Variants in CHODL observed in about 807,000 individuals in gnomAD.
CHODL encodes transmembrane protein MT75.
Under a neutral mutation model 34.5 loss-of-function variants are expected in CHODL, and 29 were observed. The observed-to-expected ratio is 0.84, with a 90% CI of 0.63 to 1.15. CHODL has a LOEUF of 1.15. Among genes scored for constraint, CHODL ranks in the 50% most tolerant of loss-of-function variants. The probability of loss-of-function intolerance (pLI) is 0.00; values close to 1 mark genes in which losing one functional copy is unlikely to be tolerated. For synonymous variants in CHODL, 125 were observed against 116.1 expected (o/e 1.08, Z -0.49); for missense variants, 332 against 332.5 (o/e 1.00, Z 0.01).
intron 2 of CHODL, among the ~76,000 whole-genome samples, chr21:18,069,062 A>G (rs1357908498): frequency 1.3e-5 from 2 of 152,194 alleles, no homozygotes; most frequent in Admixed American, 1.3e-4. Flanking sequence ...AGGTTAGAGT[A>G]AGCAAATTTT....
intron 2 of CHODL, among the ~76,000 whole-genome samples, chr21:18,238,260 A>C (rs554514652): frequency 2.0e-5 from 3 of 152,106 alleles, no homozygotes; most frequent in Non-Finnish European, 4.4e-5. Flanking sequence ...TGCTGCTGAT[A>C]AAGACATACC....
At chr21:18,018,553 CG>C (rs1385549334) in intron 1 of CHODL, among the ~76,000 whole-genome samples, 11 of 152,138 alleles carry the variant, frequency 7.2e-5, no homozygotes, top group Non-Finnish European at 1.6e-4. Flanking sequence ...TGTCTTCTGC[CG>C]TGAGTAAAAG....
intron 1 of CHODL, among the ~76,000 whole-genome samples, chr21:18,253,210 G>A (rs969771648): frequency 2.0e-5 from 3 of 152,026 alleles, no homozygotes; most frequent in African/African-American, 7.2e-5. Flanking sequence ...ATAATGAACA[G>A]TGACTTTTAG....
At chr21:18,189,629 A>ATT (rs35604998) in intron 2 of CHODL, among the ~76,000 whole-genome samples, 23 of 94,592 alleles carry the variant, frequency 2.4e-4, no homozygotes, top group Middle Eastern at 4.9e-3. Context: ...GAAGTGGGCA[A>ATT]TTTTTTTTTT....
At chr21:18,113,862 T>C (rs1255762803) in intron 2 of CHODL, among the ~76,000 whole-genome samples, 4 of 152,168 alleles carry the variant, frequency 2.6e-5, no homozygotes, top group Non-Finnish European at 5.9e-5. Flanking sequence ...GCAGCACTGT[T>C]TACAATAGCT....
chr21:18,202,840 A>C (rs1184964366), intron 2 of CHODL, among the ~76,000 whole-genome samples: 1 of 152,166 alleles, frequency 6.6e-6, no homozygotes, highest in Non-Finnish European at 1.5e-5. Context: ...TTGACCTTAA[A>C]AGTGTAATAT....
intron 1 of CHODL, among the ~76,000 whole-genome samples, chr21:18,246,331 A>G (rs1037596085): frequency 3.9e-5 from 6 of 152,194 alleles, no homozygotes; most frequent in Admixed American, 6.5e-5. Context: ...TCACTTTTGT[A>G]CACCTATACA....
At chr21:17,931,878 C>T (rs2063276328) in intron 1 of CHODL, among the ~76,000 whole-genome samples, 1 of 152,092 alleles carries the variant, frequency 6.6e-6, no homozygotes, top group African/African-American at 2.4e-5. Flanking sequence ...GAAAACTGTT[C>T]AGAATATTGG....
chr21:18,052,333 A>G (rs965233414), intron 2 of CHODL, among the ~76,000 whole-genome samples: 1 of 151,906 alleles, frequency 6.6e-6, no homozygotes, highest in Non-Finnish European at 1.5e-5. Context: ...TGAGGAAGCT[A>G]TGACCTATAC....
chr21:18,086,704 C>T, intron 2 of CHODL, among the ~76,000 whole-genome samples: 1 of 152,264 alleles, frequency 6.6e-6, no homozygotes, highest in Admixed American at 6.5e-5. Flanking sequence ...TTATCACCAA[C>T]TGACCCAGTC....
chr21:18,031,897 C>T (rs749882965), intron 2 of CHODL, among the ~76,000 whole-genome samples: 5 of 152,096 alleles, frequency 3.3e-5, no homozygotes, highest in Non-Finnish European at 7.4e-5. Flanking sequence ...TGTGAACCTT[C>T]ATCCTAGGAT....
chr21:17,928,883 A>G (rs925039551), intron 1 of CHODL, among the ~76,000 whole-genome samples: 1 of 152,236 alleles, frequency 6.6e-6, no homozygotes, highest in Non-Finnish European at 1.5e-5. Context: ...GCTTAGAAAT[A>G]ATAAATCTGT....
At chr21:18,169,879 A>G (rs976135047) in intron 2 of CHODL, among the ~76,000 whole-genome samples, 2 of 151,828 alleles carry the variant, frequency 1.3e-5, no homozygotes, top group African/African-American at 4.8e-5. Flanking sequence ...GTTATTTGGG[A>G]GTGTGTTAAT....
intron 1 of CHODL, among the ~76,000 whole-genome samples, chr21:17,946,225 G>A (rs748483546): frequency 1.2e-4 from 19 of 152,186 alleles, no homozygotes; most frequent in Non-Finnish European, 1.0e-4. Flanking sequence ...AGACCATCCT[G>A]GCTAACATGG....
intron 1 of CHODL, among the ~76,000 whole-genome samples, chr21:17,984,033 T>G (rs898276636): frequency 6.6e-6 from 1 of 152,174 alleles, no homozygotes; most frequent in African/African-American, 2.4e-5. Flanking sequence ...TAGAATTTAT[T>G]TATCTAGCAT....
At chr21:18,100,416 C>G (rs1277226923) in intron 2 of CHODL, among the ~76,000 whole-genome samples, 1 of 152,000 alleles carries the variant, frequency 6.6e-6, no homozygotes, top group East Asian at 1.9e-4. Context: ...AGGAATATAA[C>G]TAGACTGGGT....
chr21:18,127,680 T>TG (rs2072591240), intron 2 of CHODL, among the ~76,000 whole-genome samples: 1 of 132,222 alleles, frequency 7.6e-6, no homozygotes, highest in Admixed American at 7.4e-5. Context: ...TTGTTTTTTT[T>TG]TTTTTTTTTT....
intron 2 of CHODL, among the ~76,000 whole-genome samples, chr21:18,156,149 T>G (rs1408576845): frequency 6.6e-6 from 1 of 152,198 alleles, no homozygotes; most frequent in African/African-American, 2.4e-5. Context: ...AATTTTTTGA[T>G]GAAAATTTTT....
chr21:17,929,861 C>T (rs1451032819), intron 1 of CHODL, among the ~76,000 whole-genome samples: 1 of 151,758 alleles, frequency 6.6e-6, no homozygotes, highest in Non-Finnish European at 1.5e-5. Flanking sequence ...CTTTTGCACA[C>T]CCCAAAGATG....
Sources: gnomAD v4.1 joint callset for allele counts (sites outside exome capture counted in the v4.1 genomes callset) on GRCh38, gnomAD v4.1.1 for gene constraint, MANE v1.5 for transcripts, NCBI Gene and HGNC (gene_info 2026-07-23, HGNC 2026-07-21) for gene names.